The following SHANK2 variants were observed in gnomAD, a reference collection of about 807,000 sequenced individuals.
SHANK2 encodes SH3 and multiple ankyrin repeat domains protein 2.
A neutral mutation model predicts 133.7 loss-of-function variants in SHANK2; 43 were observed. The observed-to-expected ratio is 0.32, with a 90% confidence interval of 0.25 to 0.41. The LOEUF (loss-of-function observed/expected upper bound fraction) is 0.41, where lower values mean the gene tolerates loss of function less well. Among genes scored for constraint, SHANK2 ranks in the 10% least tolerant of loss-of-function variants. The pLI, the probability that SHANK2 is intolerant of heterozygous loss-of-function variation, is 1.00. For missense variants in SHANK2, 1,994 were observed against 2,235.8 expected, an observed-to-expected ratio of 0.89 and a Z score of 2.18; for synonymous variants, 1,017 against 952.8, an observed-to-expected ratio of 1.07 and a Z score of -1.24.
intron 2 of SHANK2, among the ~76,000 whole-genome samples, chr11:71,194,400 C>T (rs1953856706): frequency 1.3e-5 from 2 of 152,216 alleles, no homozygotes; most frequent in African/African-American, 4.8e-5. Context: ...CTGCCACTGC[C>T]TCAGCCTCAC....
At chr11:70,549,343 C>T (rs2059735814) in intron 17 of SHANK2, among the ~76,000 whole-genome samples, 1 of 152,212 alleles carries the variant, frequency 6.6e-6, no homozygotes, top group Non-Finnish European at 1.5e-5. Flanking sequence ...TTTCTTCTGC[C>T]TCTCTCACCC....
In SHANK2 at chr11:70,627,017, C is replaced by T. The variant is rs539282350; in HGVS notation, c.2061+32811G>A. 6.6e-5 allele frequency among the ~76,000 whole-genome samples: 10 copies of T among 152,168 alleles called. No homozygotes were observed. In the East Asian group the frequency reaches 1.5e-3, roughly 24 times the overall value. ...GCCCTTTGGTTGGCTTTGGCGCAGCCGTGAAGGTCAGATGGGAGCCTGGAG... is the reference window on the plus strand; with the variant it reads ...GCCCTTTGGTTGGCTTTGGCGCAGCTGTGAAGGTCAGATGGGAGCCTGGAG... On this transcript the variant is annotated intron_variant, in intron 17 of 25. Transcript: ENST00000601538.
intron 2 of SHANK2, among the ~76,000 whole-genome samples, chr11:71,210,894 A>G (rs1378093033): frequency 6.6e-6 from 1 of 152,034 alleles, no homozygotes; most frequent in East Asian, 1.9e-4. Flanking sequence ...CAGCGCCGGC[A>G]CTCCCCTCAT....
chr11:70,544,320 G>A (rs559114217), intron 17 of SHANK2, among the ~76,000 whole-genome samples: 1 of 152,348 alleles, frequency 6.6e-6, no homozygotes, highest in African/African-American at 2.4e-5. Context: ...CATAGCTGTT[G>A]TGAAGATAAA....
intron 2 of SHANK2, among the ~76,000 whole-genome samples, chr11:71,217,378 G>A (rs4943895): frequency 0.48 from 72,692 of 151,048 alleles, 20,802 homozygotes; most frequent in Non-Finnish European, 0.65. Flanking sequence ...ACGGTGGCGC[G>A]CCTGTAATCC....
At chr11:70,678,727 G>A (rs2134371401) in intron 15 of SHANK2, among the ~76,000 whole-genome samples, 1 of 151,922 alleles carries the variant, frequency 6.6e-6, no homozygotes, top group East Asian at 1.9e-4. Context: ...ATTTTTAGTA[G>A]AGACAGGGTT....
intron 9 of SHANK2, among the ~76,000 whole-genome samples, chr11:71,072,392 C>G (rs1951154728): frequency 6.6e-6 from 1 of 152,238 alleles, no homozygotes; most frequent in South Asian, 2.1e-4. Context: ...TAGGATGCAG[C>G]CTCCCAGAGG....
At chr11:71,168,710 A>C (rs994099110) in intron 2 of SHANK2, among the ~76,000 whole-genome samples, 3 of 152,122 alleles carry the variant, frequency 2.0e-5, no homozygotes, top group Non-Finnish European at 2.9e-5. Context: ...CTGCAATCAC[A>C]GGCAGTCAGC....
chr11:71,190,967 C>T (rs1953781281), intron 2 of SHANK2, among the ~76,000 whole-genome samples: 1 of 151,978 alleles, frequency 6.6e-6, no homozygotes, highest in African/African-American at 2.4e-5. Context: ...GAGAAAGGGA[C>T]GTCTACGCCA....
intron 2 of SHANK2, among the ~76,000 whole-genome samples, chr11:71,148,491 G>A (rs11823338): frequency 0.02 from 3,071 of 152,350 alleles, 104 homozygotes; most frequent in African/African-American, 0.07. Context: ...TACAGAAAGG[G>A]TTGGATAAAA....
intron 15 of SHANK2, among the ~76,000 whole-genome samples, chr11:70,672,183 C>A (rs1944825665): frequency 1.3e-5 from 2 of 151,864 alleles, no homozygotes; most frequent in Non-Finnish European, 2.9e-5. Flanking sequence ...CCTGCCCCAG[C>A]CTCCTGAGTA....
At position 70,470,576 on chromosome 11, in the gene SHANK2, CAAAT is replaced by C. The variant is rs1555148233; in HGVS notation, c.*2289_*2292del. 1 of 152,644 alleles carries C rather than the reference CAAAT, an allele frequency of 6.6e-6. No individual in the cohort carries two copies. The highest frequency in any genetic ancestry group is 1.9e-4 in the East Asian group (1 of 5,200). 9.5% of individuals were successfully genotyped at this position (152,644 alleles called of 1,614,324 possible). A position where few individuals can be genotyped will look rare whatever the true frequency, so the allele number is the denominator to read the frequency against. ...TTTTGCGGTATCATCAAATGGAAGA[CAAAT>C]TAATGGCCAAACCACCATTTTTACA... On this transcript the variant is annotated 3_prime_UTR_variant, in exon 26 of 26. Coordinates refer to ENST00000601538, the MANE Select transcript of SHANK2 (RefSeq NM_012309.5).
At chr11:70,791,835 G>A (rs1555048056) in intron 14 of SHANK2, among the ~76,000 whole-genome samples, 3 of 152,198 alleles carry the variant, frequency 2.0e-5, no homozygotes, top group African/African-American at 7.2e-5. Context: ...GCTCCGACAT[G>A]CTGAGATGGG....
At chr11:70,496,149 T>C (rs2058967569) in intron 21 of SHANK2, among the ~76,000 whole-genome samples, 1 of 152,124 alleles carries the variant, frequency 6.6e-6, no homozygotes, top group South Asian at 2.1e-4. Context: ...GTGGGAAGGC[T>C]GTGGCCAGGC....
In SHANK2 at chr11:70,489,342, C is replaced by T; in HGVS notation, c.2558G>A (p.Arg853Lys). The part of the protein sequence containing the change: ...TMRRQKSIDS[R>K]IFLSGITEEE... The stretch of plus-strand genomic sequence containing the variant: ...GGTTCACTAACCTGATAGAAAGATT[C>T]TGCTGTCTGACAGGAGGAAATCAGT... Residue 853 changes from arginine to lysine, a missense_variant, in exon 24 of 26, where the codon AGA (arginine) becomes AAA (lysine). Arg to Lys is a conservative substitution (Grantham distance 26, BLOSUM62 2). Transcript: ENST00000601538. The T allele has an allele frequency of 6.2e-7, 1 of 1,613,934 alleles. No homozygotes were observed. The highest frequency in any genetic ancestry group is 8.5e-7 in the Non-Finnish European group (1 of 1,179,794).
chr11:70,743,350 G>A (rs1946572109), intron 14 of SHANK2, among the ~76,000 whole-genome samples: 1 of 152,154 alleles, frequency 6.6e-6, no homozygotes, highest in Non-Finnish European at 1.5e-5. Flanking sequence ...CATGAGGGTG[G>A]GCTCTGGTGA....
chr11:70,759,214 C>T (rs1231831495), intron 14 of SHANK2, among the ~76,000 whole-genome samples: 2 of 150,440 alleles, frequency 1.3e-5, no homozygotes, highest in Non-Finnish European at 3.0e-5. Context: ...TGAGTTCTGG[C>T]CGGGCACAGT....
intron 23 of SHANK2, 101 bp from the exon 24 acceptor site, chr11:70,489,449 C>T: frequency 9.2e-7 from 1 of 1,084,584 alleles, no homozygotes; most frequent in Admixed American, 1.7e-5. Flanking sequence ...GCACAGCAGA[C>T]ACCACCTCCA....
intron 9 of SHANK2, among the ~76,000 whole-genome samples, chr11:71,066,601 A>G (rs1951066897): frequency 1.3e-5 from 2 of 152,186 alleles, no homozygotes; most frequent in African/African-American, 4.8e-5. Flanking sequence ...ATTTCCTTTC[A>G]ACGGCACTGA....
Sources: allele counts gnomAD v4.1 joint callset (sites outside exome capture counted in the v4.1 genomes callset), GRCh38; gene constraint gnomAD v4.1.1; transcripts MANE v1.5; gene names NCBI Gene and HGNC (gene_info 2026-07-23, HGNC 2026-07-21).